OSBPL9: variants seen among roughly 807,000 people sequenced by gnomAD.
OSBPL9 encodes the protein oxysterol-binding protein-related protein 9.
Under a neutral mutation model 106.6 loss-of-function variants are expected in OSBPL9, and 40 were observed. The observed-to-expected ratio is 0.38, with a 90% CI of 0.29 to 0.49. The LOEUF (loss-of-function observed/expected upper bound fraction) is 0.49. OSBPL9 is among the 20% of genes least tolerant of loss of function. OSBPL9 has a pLI of 0.97. For missense variants in OSBPL9, 609 were observed against 887.2 expected (o/e 0.69, Z 3.98); for synonymous variants, 269 against 295.4 (o/e 0.91, Z 0.92).
chr1:51,618,308 C>A (rs992207499), intron 1 of OSBPL9, among the ~76,000 whole-genome samples: 2 of 152,118 alleles, frequency 1.3e-5, no homozygotes, highest in African/African-American at 4.8e-5. Flanking sequence ...CGTGAGCCAC[C>A]GCGTCCGGCC....
chr1:51,598,491 T>C lies in OSBPL9; in HGVS notation c.-353+298T>C, dbSNP rs532167756. Among the ~76,000 whole-genome samples, 6 of 152,326 alleles carry C rather than the reference T, an allele frequency of 3.9e-5. No individual in the cohort carries two copies. In the South Asian group the frequency reaches 1.0e-3, roughly 26 times the overall value. On this transcript the variant is annotated intron_variant, in intron 2 of 25. Coordinates refer to the OSBPL9 transcript ENST00000371714. ...GGGTAGAGGGCTGTCCGCTGTATTG[T>C]AGGATGCTTAGCAGTGTCTCTGGCT...
intron 2 of OSBPL9, among the ~76,000 whole-genome samples, chr1:51,666,912 T>C (rs1648652491): frequency 6.6e-6 from 1 of 152,248 alleles, no homozygotes; most frequent in African/African-American, 2.4e-5. Context: ...TAGCAAGGAC[T>C]GTGAACTAAC....
At chr1:51,769,123 C>T (rs934099129) in intron 12 of OSBPL9, among the ~76,000 whole-genome samples, 3 of 152,212 alleles carry the variant, frequency 2.0e-5, no homozygotes, top group African/African-American at 7.2e-5. Flanking sequence ...GTCCTATCCA[C>T]ATATTCTCTG....
At chr1:51,773,482 A>G (rs1674385014) in intron 14 of OSBPL9, among the ~76,000 whole-genome samples, 1 of 152,232 alleles carries the variant, frequency 6.6e-6, no homozygotes, top group Admixed American at 6.5e-5. Flanking sequence ...AATGTGGCTG[A>G]GTCGTGTTAA....
chr1:51,634,229 C>T (rs1645285188), intron 1 of OSBPL9, among the ~76,000 whole-genome samples: 1 of 152,074 alleles, frequency 6.6e-6, no homozygotes, highest in Admixed American at 6.5e-5. Context: ...GAAAAAGGTC[C>T]TTGGGCAATT....
chr1:51,707,232 T>C, intron 3 of OSBPL9: 1 of 329,972 alleles, frequency 3.0e-6, no homozygotes, highest in East Asian at 9.8e-5. Context: ...CCTGACAAAG[T>C]GGTCATTGAG....
At chr1:51,551,847 C>A in the OSBPL9 span, among the ~76,000 whole-genome samples, 2 of 152,020 alleles carry the variant, frequency 1.3e-5, no homozygotes, top group Non-Finnish European at 2.9e-5. Flanking sequence ...CCTACCTCAG[C>A]CTTCCAGAGT....
In OSBPL9 at chr1:51,776,938, AG is replaced by A; in HGVS notation, c.1256+21del. 6.4e-7 allele frequency: 1 copy of A among 1,564,938 alleles called. No homozygotes were observed. The highest frequency in any genetic ancestry group is 8.8e-7 in the Non-Finnish European group (1 of 1,135,672). On this transcript the variant is annotated intron_variant, in intron 15 of 23. Transcript: ENST00000428468. ...TGTGAGGTATTTGACTGAACATGGTAGTTTCCAACGTTTACAGATGTTACTC... is the reference window on the plus strand; with the variant it reads ...TGTGAGGTATTTGACTGAACATGGTATTTCCAACGTTTACAGATGTTACTC...
At chr1:51,727,741 C>A (rs189169100) in intron 4 of OSBPL9, among the ~76,000 whole-genome samples, 1 of 152,064 alleles carries the variant, frequency 6.6e-6, no homozygotes, top group Non-Finnish European at 1.5e-5. Flanking sequence ...GTGGTGTGTG[C>A]GCCTGTAGTC....
chr1:51,747,012 C>G (rs1668120025), intron 6 of OSBPL9, among the ~76,000 whole-genome samples: 1 of 152,164 alleles, frequency 6.6e-6, no homozygotes, highest in Non-Finnish European at 1.5e-5. Context: ...CTCTGTTGCC[C>G]AGGCTGGAGT....
chr1:51,778,772 C>T (rs980361360), intron 15 of OSBPL9, among the ~76,000 whole-genome samples: 1 of 152,062 alleles, frequency 6.6e-6, no homozygotes, highest in Non-Finnish European at 1.5e-5. Flanking sequence ...ATTTAAACAG[C>T]ATATCAAATC....
chr1:51,770,943 C>CAAA (rs1673731968), intron 12 of OSBPL9, among the ~76,000 whole-genome samples: 1 of 152,012 alleles, frequency 6.6e-6, no homozygotes, highest in Non-Finnish European at 1.5e-5. Context: ...AGAGTGAACC[C>CAAA]TAATATAAAC....
intron 3 of OSBPL9, among the ~76,000 whole-genome samples, chr1:51,713,745 A>G (rs1419599405): frequency 6.6e-6 from 1 of 151,976 alleles, no homozygotes; most frequent in Non-Finnish European, 1.5e-5. Context: ...TAGCTTTTCT[A>G]GTTGTTCTCA....
intron 4 of OSBPL9, among the ~76,000 whole-genome samples, chr1:51,732,484 A>G (rs1036396527): frequency 6.6e-6 from 1 of 152,234 alleles, no homozygotes; most frequent in Admixed American, 6.5e-5. Flanking sequence ...TATACTGACA[A>G]TGTAATTAAG....
chr1:51,607,872 A>G (rs1643959617), intron 2 of OSBPL9, among the ~76,000 whole-genome samples: 1 of 152,222 alleles, frequency 6.6e-6, no homozygotes, highest in African/African-American at 2.4e-5. Flanking sequence ...AAGGAAGTAC[A>G]CTTGGAAGAG....
the OSBPL9 span, among the ~76,000 whole-genome samples, chr1:51,560,162 GA>G: frequency 6.6e-6 from 1 of 152,220 alleles, no homozygotes; most frequent in African/African-American, 2.4e-5. Flanking sequence ...CTGAACTGTA[GA>G]AATCACTGAT....
intron 15 of OSBPL9, 49 bp from the exon 16 acceptor site, chr1:51,781,115 G>T (rs758947598): frequency 3.8e-6 from 6 of 1,579,280 alleles, no homozygotes; most frequent in Admixed American, 1.7e-5. Context: ...GCATCATCTT[G>T]TCTTGTACCA....
intron 1 of OSBPL9, among the ~76,000 whole-genome samples, chr1:51,642,730 A>G (rs1021442206): frequency 3.9e-5 from 6 of 152,142 alleles, no homozygotes; most frequent in Non-Finnish European, 8.8e-5. Flanking sequence ...AGATAGCTGT[A>G]CCCCTTTTCT....
At chr1:51,675,493 C>T (rs1190462080) in intron 3 of OSBPL9, among the ~76,000 whole-genome samples, 1 of 151,544 alleles carries the variant, frequency 6.6e-6, no homozygotes, top group Non-Finnish European at 1.5e-5. Context: ...TAGATAAAAC[C>T]TTTGGATTTT....
Sources: allele counts gnomAD v4.1 joint callset (sites outside exome capture counted in the v4.1 genomes callset), GRCh38; gene constraint gnomAD v4.1.1; transcripts MANE v1.5; gene names NCBI Gene and HGNC (gene_info 2026-07-23, HGNC 2026-07-21).